ADCY4: variants seen among roughly 807,000 people sequenced by gnomAD.
ADCY4 encodes adenylate cyclase type 4.
ADCY4 carries 111 observed loss-of-function variants against 125.5 expected under a neutral mutation model. The ratio of observed to expected loss-of-function variants is 0.88; its 90% CI spans 0.76 to 1.04. The LOEUF (loss-of-function observed/expected upper bound fraction) is 1.04, where lower values mean the gene tolerates loss of function less well. Ranked by LOEUF, ADCY4 falls within the 50% of genes least tolerant of loss-of-function variation. ADCY4 has a pLI of 0.00. For missense variants in ADCY4, 1,256 were observed against 1,382.9 expected, an observed-to-expected ratio of 0.91 and a Z score of 1.46; for synonymous variants, 576 against 586.9, an observed-to-expected ratio of 0.98 and a Z score of 0.27.
At chr14:24,325,549 A>C in intron 13 of ADCY4, 75 bp from the exon 14 acceptor site, 3 of 1,340,310 alleles carry the variant, frequency 2.2e-6, no homozygotes, top group Non-Finnish European at 3.2e-6. Flanking sequence ...CTCCCAGGCA[A>C]GGGGTGGGCT....
intron 6 of ADCY4, 110 bp from the exon 7 acceptor site, chr14:24,330,405 G>A: frequency 6.7e-7 from 1 of 1,487,316 alleles, no homozygotes; most frequent in Non-Finnish European, 9.2e-7. Context: ...AACTTCCAAG[G>A]TGGGGTAGTG....
rs1352009691 is a variant in ADCY4, at chr14:24,322,658, A to T, written c.2393T>A (p.Ile798Asn). Reference protein sequence around the residue: ...PKLMGAISFFIFFFTLLVLAR... With the variant: ...PKLMGAISFFNFFFTLLVLAR... ...CAGGACAAGGAGGGTGAAGAAGAAG[A>T]TGAAGAAGGAGATAGCACCCATCAG... The change falls in exon 19 of 25, where the codon ATC becomes AAC. Residue 798 changes from isoleucine (I) to asparagine (N), a missense_variant. By Grantham distance (149) the Ile-to-Asn change is moderately radical (BLOSUM62 -3). Coordinates refer to ENST00000418030, the MANE Select transcript of ADCY4 (RefSeq NM_001198568.2). 2 of 1,614,160 alleles carry T rather than the reference A, an allele frequency of 1.2e-6. No homozygotes were observed. The highest frequency in any genetic ancestry group is 3.3e-5 in the Admixed American group (2 of 60,026).
Position 24,331,034 on chromosome 14 carries a change from A to G in ADCY4, c.914T>C (p.Phe305Ser). 6.2e-7 allele frequency: 1 copy of G among 1,608,592 alleles called. No homozygotes were observed. Among genetic ancestry groups the G allele is most frequent in the South Asian group, 1.1e-5 (1 of 90,838 alleles). ...VLMLNELFGK[F>S]DQIAKEHECM... ...TTCTCTGACCTTGGCAATCTGGTCG[A>G]ACTTGCCAAAGAGCTCATTGAGCAT... Residue 305 changes from phenylalanine (F) to serine (S), a missense_variant, in exon 6 of 25, where the codon TTC (phenylalanine) becomes TCC (serine). Physicochemically the swap from Phe to Ser is radical, Grantham distance 155. Coordinates refer to ENST00000418030, the MANE Select transcript of ADCY4 (RefSeq NM_001198568.2).
At chr14:24,332,274 A>T in intron 3 of ADCY4, 1 of 450,338 alleles carries the variant, frequency 2.2e-6, no homozygotes, top group Non-Finnish European at 3.8e-6. Flanking sequence ...TCAAGGTTTC[A>T]TTAACCACAT....
At position 24,319,296 on chromosome 14, in the gene ADCY4, A is replaced by G. The variant is rs1288393196; in HGVS notation, c.2841+33T>C. ...AATAAGCCCATCAATGAGAGCCCAG[A>G]GGAGGATGGTAGGTAAGGAAGGGTT... On this transcript the variant is annotated intron_variant, in intron 22 of 24. Coordinates refer to ENST00000418030, the MANE Select transcript of ADCY4 (RefSeq NM_001198568.2). The surrounding 1 kb of genome is among the most constrained non-coding windows in gnomAD (Gnocchi z 4.5). The G allele has an allele frequency of 6.2e-7, 1 of 1,612,886 alleles. No individual in the cohort carries two copies. Among genetic ancestry groups the G allele is most frequent in the African/African-American group, 1.3e-5 (1 of 74,880 alleles).
At chr14:24,325,910 G>C in intron 12 of ADCY4, 23 bp from the exon 13 acceptor site, 1 of 1,576,894 alleles carries the variant, frequency 6.3e-7, no homozygotes, top group African/African-American at 1.3e-5. Context: ...GGGAGGGTGG[G>C]TGAAAGCACC....
chr14:24,327,084 A>G (rs959790447), intron 10 of ADCY4, among the ~76,000 whole-genome samples: 2 of 151,538 alleles, frequency 1.3e-5, no homozygotes, highest in Non-Finnish European at 2.9e-5. Flanking sequence ...TTTAGTAGAG[A>G]TGGGGTTTCG....
rs769364125 is a variant in ADCY4, at chr14:24,334,505, C to T, written c.148G>A (p.Ala50Thr). 6.3e-7 allele frequency: 1 copy of T among 1,579,954 alleles called. No homozygotes were observed. Among genetic ancestry groups the T allele is most frequent in the South Asian group, 1.1e-5 (1 of 87,652 alleles). The change falls in exon 1 of 25, where the codon GCC becomes ACC. Residue 50 changes from alanine (A) to threonine (T), a missense_variant. Ala to Thr is a moderately conservative substitution (Grantham distance 58, BLOSUM62 0). Coordinates refer to ENST00000418030, the MANE Select transcript of ADCY4 (RefSeq NM_001198568.2). Reference sequence around the variant, plus strand: ...GAGGCTCGGCTCACCCTGCCGCTGGCCCAGGCCACTGCGAGCAGCGCCGCG... The same window carrying T: ...GAGGCTCGGCTCACCCTGCCGCTGGTCCAGGCCACTGCGAGCAGCGCCGCG... Reference protein sequence around the residue: ...ALAALLAVAWASGRELTSDPS... With the variant: ...ALAALLAVAWTSGRELTSDPS...
Position 24,322,621 on chromosome 14 carries a change from T to C in ADCY4, c.2427+3A>G, listed in dbSNP as rs757063828. On this transcript the variant is annotated splice_donor_region_variant and intron_variant, in intron 19 of 24. Coordinates refer to ENST00000418030, the MANE Select transcript of ADCY4 (RefSeq NM_001198568.2). ...CCTGGTGGGGCTGAGCTGGGTGACT[T>C]ACCTGGCGAGCCAGGACAAGGAGGG... is the stretch of plus-strand genomic sequence containing the variant. 6.2e-7 allele frequency: 1 copy of C among 1,613,918 alleles called. No homozygotes were observed.
rs142974822 is a variant in ADCY4, at chr14:24,329,223, C to T, written c.1362G>A (p.Glu454=). The stretch of plus-strand genomic sequence containing the variant: ...AGCCTCCTGCAGTGCCCTTCTCATC[C>T]TCCTCCTCTGCCTGGGGCACATAAG... The part of the protein sequence containing the change: ...YLVIDPRAEE[E]DEKGTAGGLL... The change falls in exon 10 of 25, where the codon GAG becomes GAA. Residue 454 remains glutamate, a synonymous_variant. Transcript: ENST00000418030. 74 of 1,613,678 alleles carry T rather than the reference C, an allele frequency of 4.6e-5. No homozygotes were observed. The African/African-American group carries it at 9.6e-4, about 21-fold the overall frequency.
chr14:24,331,403 A>T (rs772640076), intron 4 of ADCY4, 47 bp from the exon 5 acceptor site: 5 of 1,606,730 alleles, frequency 3.1e-6, no homozygotes, highest in Non-Finnish European at 4.2e-6. Flanking sequence ...CCCTAAAGCC[A>T]GGAGGCCCTG....
chr14:24,330,723 T>C (rs957010703), intron 6 of ADCY4: 2 of 405,136 alleles, frequency 4.9e-6, no homozygotes, highest in African/African-American at 2.0e-5. Flanking sequence ...AACGTCTCTA[T>C]AGATTTGGTT....
chr14:24,331,154 A>C, intron 5 of ADCY4, 25 bp from the exon 6 acceptor site: 2 of 1,612,964 alleles, frequency 1.2e-6, no homozygotes, highest in Non-Finnish European at 8.5e-7. Context: ...CTGTGTCAGC[A>C]GGGCCAGGGT....
At chr14:24,322,862 A>G in intron 18 of ADCY4, 42 bp downstream of exon 18, 1 of 1,556,610 alleles carries the variant, frequency 6.4e-7, no homozygotes, top group Non-Finnish European at 8.7e-7. Context: ...ATCTCACCCC[A>G]TCCCAGGGGG....
rs57167065 is a variant in ADCY4, at chr14:24,319,898, C to G, written c.2587-10G>C. The stretch of plus-strand genomic sequence containing the variant: ...ACTGGTGGTAGAGATCCTGGGGGAA[C>G]AGGAGACTGGAGTGAGGGGTGTGTG... On this transcript the variant is annotated splice_polypyrimidine_tract_variant and intron_variant, in intron 20 of 24. Transcript: ENST00000418030. This position sits in a 1 kb window ranked among gnomAD's most constrained non-coding sequence, Gnocchi z 4.5. 6.4e-3 allele frequency: 10,303 copies of G among 1,612,342 alleles called. 595 individuals are homozygous for G. The African/African-American group carries it at 0.12, about 19-fold the overall frequency.
In ADCY4 at chr14:24,326,281, A is replaced by T. The variant is rs779660515; in HGVS notation, c.1568+18T>A. 6.2e-7 allele frequency: 1 copy of T among 1,613,732 alleles called. No homozygotes were observed. Among genetic ancestry groups the T allele is most frequent in the African/African-American group, 1.3e-5 (1 of 74,834 alleles). The stretch of plus-strand genomic sequence containing the variant: ...CATCCAGACAGCCCCACTGGCAAAG[A>T]CTTTGAGGCCTCCTCACCGATCCAG... On this transcript the variant is annotated intron_variant, in intron 11 of 24. Coordinates refer to ENST00000418030, the MANE Select transcript of ADCY4 (RefSeq NM_001198568.2).
chr14:24,319,275 A>C lies in ADCY4; in HGVS notation c.2841+54T>G, dbSNP rs544182635. The C allele has an allele frequency of 1.2e-6, 2 of 1,612,552 alleles. No individual in the cohort carries two copies. Among genetic ancestry groups the C allele is most frequent in the Admixed American group, 1.7e-5 (1 of 60,016 alleles). ...GGCACAGGAATAAGTCCCACTAATA[A>C]GCCCATCAATGAGAGCCCAGAGGAG... is the stretch of plus-strand genomic sequence containing the variant. On this transcript the variant is annotated intron_variant, in intron 22 of 24. Transcript: ENST00000418030. This position sits in a 1 kb window ranked among gnomAD's most constrained non-coding sequence, Gnocchi z 4.5.
chr14:24,334,349 G>T, intron 1 of ADCY4, 145 bp downstream of exon 1: 1 of 1,360,478 alleles, frequency 7.4e-7, no homozygotes, highest in Non-Finnish European at 9.7e-7. Context: ...CTTGCCCAGG[G>T]TCACTGCAGT....
intron 1 of ADCY4, 50 bp downstream of exon 1, chr14:24,334,444 C>A: frequency 1.3e-6 from 2 of 1,514,140 alleles, no homozygotes; most frequent in Non-Finnish European, 1.8e-6. Flanking sequence ...ACCCCAACCC[C>A]GAAAATGCTC....
Sources: gnomAD v4.1 joint callset for allele counts (sites outside exome capture counted in the v4.1 genomes callset) on GRCh38, gnomAD v4.1.1 for gene constraint, Gnocchi (gnomAD v3.1) non-coding constraint, MANE v1.5 for transcripts, NCBI Gene and HGNC (gene_info 2026-07-23, HGNC 2026-07-21) for gene names.